Variants in STAU2 observed in about 807,000 individuals in gnomAD.
STAU2 encodes the protein staufen double-stranded RNA binding protein 2.
STAU2 carries 20 observed loss-of-function variants against 65.9 expected under a neutral mutation model. The ratio of observed to expected loss-of-function variants is 0.30; its 90% confidence interval spans 0.21 to 0.44. The LOEUF is 0.44. STAU2 is among the 20% of genes least tolerant of loss of function. The pLI is 1.00. For synonymous variants in STAU2, 232 were observed against 233.9 expected (o/e 0.99, Z 0.07); for missense variants, 558 against 683.9 (o/e 0.82, Z 2.05).
At chr8:73,443,849 T>TAAA (rs11452845) in intron 13 of STAU2, among the ~76,000 whole-genome samples, 2 of 143,520 alleles carry the variant, frequency 1.4e-5, no homozygotes, top group Non-Finnish European at 3.0e-5. Context: ...CCCTGTCTCT[T>TAAA]AAAAAAAAAA....
chr8:73,519,173 G>T (rs1822905160), intron 13 of STAU2, among the ~76,000 whole-genome samples: 2 of 152,186 alleles, frequency 1.3e-5, no homozygotes, highest in Non-Finnish European at 1.5e-5. Context: ...CAAAGCCGCT[G>T]AAGTTCAAAA....
At chr8:73,453,908 G>A (rs535271553) in intron 13 of STAU2, among the ~76,000 whole-genome samples, 1 of 152,180 alleles carries the variant, frequency 6.6e-6, no homozygotes, top group South Asian at 2.1e-4. Flanking sequence ...CTGAAGTGAC[G>A]ACTTGCTCCA....
chr8:73,443,968 T>G (rs1343901586), intron 13 of STAU2, among the ~76,000 whole-genome samples: 1 of 152,178 alleles, frequency 6.6e-6, no homozygotes, highest in Non-Finnish European at 1.5e-5. Context: ...TAGGTGTTCC[T>G]GGGCAGTAGA....
intron 3 of STAU2, among the ~76,000 whole-genome samples, chr8:73,725,789 C>T (rs1346243074): frequency 6.6e-6 from 1 of 151,938 alleles, no homozygotes; most frequent in African/African-American, 2.4e-5. Context: ...AAAAATTAGC[C>T]GGATATAGTG....
At chr8:73,579,448 C>T (rs1016979880) in intron 12 of STAU2, among the ~76,000 whole-genome samples, 4 of 152,056 alleles carry the variant, frequency 2.6e-5, no homozygotes, top group African/African-American at 9.7e-5. Context: ...TAAGTAAAAG[C>T]CTGTATTAAT....
intron 13 of STAU2, among the ~76,000 whole-genome samples, chr8:73,461,931 T>C (rs1298191747): frequency 6.6e-6 from 1 of 152,192 alleles, no homozygotes; most frequent in African/African-American, 2.4e-5. Context: ...AATCCGATCT[T>C]CCTGCTTCTT....
chr8:73,421,518 A>T, intron 14 of STAU2, 53 bp from the exon 15 acceptor site: 1 of 1,512,266 alleles, frequency 6.6e-7, no homozygotes, highest in Non-Finnish European at 8.9e-7. Context: ...GCACATCTTC[A>T]GACATGTTTA....
intron 13 of STAU2, among the ~76,000 whole-genome samples, chr8:73,536,198 G>A (rs1407613482): frequency 2.0e-5 from 3 of 152,102 alleles, no homozygotes. Context: ...CCAAAATGTG[G>A]AGAGAAGGAG....
chr8:73,591,057 A>G (rs1810738358), intron 11 of STAU2, among the ~76,000 whole-genome samples: 1 of 152,238 alleles, frequency 6.6e-6, no homozygotes. Context: ...GTATAATACC[A>G]GAAAGAAATT....
intron 9 of STAU2, among the ~76,000 whole-genome samples, chr8:73,609,382 G>A (rs982323766): frequency 2.0e-5 from 3 of 151,912 alleles, no homozygotes; most frequent in East Asian, 1.9e-4. Context: ...GGCCGGGCGC[G>A]GTGGCTCATG....
At chr8:73,512,190 A>G (rs1822443729) in intron 13 of STAU2, among the ~76,000 whole-genome samples, 1 of 152,150 alleles carries the variant, frequency 6.6e-6, no homozygotes, top group South Asian at 2.1e-4. Flanking sequence ...TAAATGTTTC[A>G]ATTTTGTTCT....
At chr8:73,519,451 G>A (rs1016463834) in intron 13 of STAU2, among the ~76,000 whole-genome samples, 7 of 152,024 alleles carry the variant, frequency 4.6e-5, no homozygotes, top group Admixed American at 1.3e-4. Context: ...AATTTAGGAC[G>A]CCACGAAAAA....
chr8:73,646,699 CA>C (rs983461648), intron 6 of STAU2, among the ~76,000 whole-genome samples: 1 of 151,188 alleles, frequency 6.6e-6, no homozygotes, highest in African/African-American at 2.4e-5. Flanking sequence ...AGCACACTCA[CA>C]AAAAAAACTG....
At chr8:73,637,199 G>C (rs906490489) in intron 6 of STAU2, among the ~76,000 whole-genome samples, 2 of 151,436 alleles carry the variant, frequency 1.3e-5, no homozygotes, top group African/African-American at 4.8e-5. Context: ...AACAGAAGGA[G>C]AGGAGGAAAA....
chr8:73,442,335 C>T lies in STAU2; in HGVS notation c.1531-19633G>A, dbSNP rs1416311236. Among the ~76,000 whole-genome samples the T allele has an allele frequency of 8.0e-5, 10 of 125,154 alleles. No homozygotes were observed. The South Asian group carries it at 2.2e-3, about 28-fold the overall frequency. The allele number at this position is 125,154 out of a possible 152,430, so 82.1% of individuals were successfully genotyped here. ...CACCACTGCGCTCCAGCCTGGGCGA[C>T]AGAGCGAGACTCCGTCTCAAAAAAA... On this transcript the variant is annotated intron_variant, in intron 13 of 14. Coordinates refer to ENST00000524300, the MANE Select transcript of STAU2 (RefSeq NM_001164380.2).
intron 4 of STAU2, among the ~76,000 whole-genome samples, chr8:73,698,848 C>T (rs1819869498): frequency 6.7e-6 from 1 of 148,584 alleles, no homozygotes; most frequent in Non-Finnish European, 1.5e-5. Flanking sequence ...CTGCAGAATA[C>T]ACATTTTTCT....
intron 6 of STAU2, among the ~76,000 whole-genome samples, chr8:73,631,555 T>C (rs150087392): frequency 5.3e-5 from 8 of 152,290 alleles, no homozygotes; most frequent in African/African-American, 1.2e-4. Context: ...TTTTTAAAAA[T>C]TGTAAAGGCC....
intron 12 of STAU2, among the ~76,000 whole-genome samples, chr8:73,574,700 T>A (rs1330919273): frequency 6.6e-6 from 1 of 152,120 alleles, no homozygotes; most frequent in Non-Finnish European, 1.5e-5. Flanking sequence ...AGGTGGGAAC[T>A]GAACAATGAG....
chr8:73,598,549 TA>T (rs962720092), intron 10 of STAU2, among the ~76,000 whole-genome samples: 4 of 152,056 alleles, frequency 2.6e-5, no homozygotes, highest in African/African-American at 9.7e-5. Context: ...TTAAATATGA[TA>T]AAGGGCATTT....
Sources: gnomAD v4.1 joint callset for allele counts (sites outside exome capture counted in the v4.1 genomes callset) on GRCh38, gnomAD v4.1.1 for gene constraint, MANE v1.5 for transcripts, NCBI Gene and HGNC (gene_info 2026-07-23, HGNC 2026-07-21) for gene names.